FHIP1A: variants seen among roughly 807,000 people sequenced by gnomAD.
The protein encoded by FHIP1A is FHF complex subunit HOOK interacting protein 1A.
FHIP1A carries 61 observed loss-of-function variants against 88.6 expected under a neutral mutation model. That is an observed-to-expected ratio of 0.69 (90% confidence interval 0.56 to 0.85). The LOEUF (loss-of-function observed/expected upper bound fraction) is 0.85. FHIP1A is among the 40% of genes least tolerant of loss of function. FHIP1A has a pLI of 0.00. For synonymous variants in FHIP1A, 478 were observed against 496.0 expected, an observed-to-expected ratio of 0.96 and a Z score of 0.48; for missense variants, 1,154 against 1,273.5, an observed-to-expected ratio of 0.91 and a Z score of 1.43.
chr4:151,472,773 C>T (rs1729570127), intron 2 of FHIP1A, among the ~76,000 whole-genome samples: 1 of 152,112 alleles, frequency 6.6e-6, no homozygotes, highest in African/African-American at 2.4e-5. Flanking sequence ...TAAGTGGTGA[C>T]ACCTGAAGTT....
chr4:151,668,338 C>T lies in FHIP1A; in HGVS notation c.*5584C>T, dbSNP rs191839831. 7.2e-5 allele frequency among the ~76,000 whole-genome samples: 11 copies of T among 152,150 alleles called. No individual in the cohort carries two copies. Among genetic ancestry groups the T allele is most frequent in the Middle Eastern group, 6.8e-3 (2 of 294 alleles). On this transcript the variant is annotated 3_prime_UTR_variant, in exon 14 of 14. Transcript: ENST00000435205. The stretch of plus-strand genomic sequence containing the variant: ...AAATGAAAGATACAATATAAAATAG[C>T]GGGTCATGGCCATAAGCTGTGTCCT...
At chr4:151,650,665 T>G in intron 11 of FHIP1A, 73 bp downstream of exon 11, 1 of 1,461,478 alleles carries the variant, frequency 6.8e-7, no homozygotes. Context: ...GAAAGGAAGG[T>G]AGGAAAAGGT....
chr4:151,609,109 C>CT (rs1338307233), intron 7 of FHIP1A, among the ~76,000 whole-genome samples: 1 of 152,126 alleles, frequency 6.6e-6, no homozygotes, highest in African/African-American at 2.4e-5. Flanking sequence ...TACCATAAAA[C>CT]TTTTTTCGAA....
At chr4:151,451,079 A>G (rs1052921178) in intron 1 of FHIP1A, among the ~76,000 whole-genome samples, 3 of 152,040 alleles carry the variant, frequency 2.0e-5, no homozygotes, top group Admixed American at 6.6e-5. Context: ...CGCCTGGCCA[A>G]TCTTCATTAC....
At chr4:151,595,274 T>G (rs1734603845) in intron 7 of FHIP1A, among the ~76,000 whole-genome samples, 1 of 152,246 alleles carries the variant, frequency 6.6e-6, no homozygotes, top group Non-Finnish European at 1.5e-5. Context: ...TGCCTTAATT[T>G]CATTATTTAC....
In FHIP1A at chr4:151,494,314, T is replaced by C. The variant is rs542287816; in HGVS notation, c.-123+11666T>C. Among the ~76,000 whole-genome samples, 20 of 152,328 alleles carry C rather than the reference T, an allele frequency of 1.3e-4. No individual in the cohort carries two copies. The East Asian group carries it at 3.3e-3, about 25-fold the overall frequency. The stretch of plus-strand genomic sequence containing the variant: ...GTTTTTATAGTTTTAGGTTTTACAC[T>C]TAAGTCTTTAATTCACCTTGAGTTG... On this transcript the variant is annotated intron_variant, in intron 3 of 13. Coordinates refer to ENST00000435205, the MANE Select transcript of FHIP1A (RefSeq NM_001109977.3).
At chr4:151,488,784 C>T (rs373798447) in intron 3 of FHIP1A, among the ~76,000 whole-genome samples, 6 of 152,240 alleles carry the variant, frequency 3.9e-5, no homozygotes, top group South Asian at 2.1e-4. Context: ...TATTTCTGTG[C>T]GTCTATCACC....
At chr4:151,661,405 G>GT (rs1446273280) in intron 13 of FHIP1A, among the ~76,000 whole-genome samples, 5 of 136,922 alleles carry the variant, frequency 3.7e-5, no homozygotes, top group African/African-American at 1.5e-4. Flanking sequence ...TCAAGTGGAA[G>GT]TTGTTTTTTT....
chr4:151,567,188 A>T (rs1272151280), intron 4 of FHIP1A, among the ~76,000 whole-genome samples: 1 of 152,202 alleles, frequency 6.6e-6, no homozygotes, highest in Non-Finnish European at 1.5e-5. Context: ...ATAGTAAAAT[A>T]AATAAAATTG....
intron 5 of FHIP1A, among the ~76,000 whole-genome samples, chr4:151,586,109 C>T (rs1734201388): frequency 6.6e-6 from 1 of 152,100 alleles, no homozygotes; most frequent in African/African-American, 2.4e-5. Flanking sequence ...TCAGTCGTGA[C>T]CTCAAGCATG....
chr4:151,604,445 G>A (rs916812943), intron 7 of FHIP1A, among the ~76,000 whole-genome samples: 7 of 152,084 alleles, frequency 4.6e-5, no homozygotes, highest in Non-Finnish European at 1.0e-4. Flanking sequence ...GTTTGTGAGG[G>A]AAACACAGTG....
At chr4:151,470,145 T>C (rs1477565567) in intron 2 of FHIP1A, among the ~76,000 whole-genome samples, 1 of 152,234 alleles carries the variant, frequency 6.6e-6, no homozygotes, top group Non-Finnish European at 1.5e-5. Context: ...AGTAGTATGG[T>C]AATTCCATTT....
At chr4:151,501,786 T>G (rs1427421324) in intron 3 of FHIP1A, among the ~76,000 whole-genome samples, 2 of 151,406 alleles carry the variant, frequency 1.3e-5, no homozygotes, top group East Asian at 3.9e-4. Flanking sequence ...GTCATTTTGT[T>G]GTTGAGTTGT....
At position 151,576,223 on chromosome 4, in the gene FHIP1A, G is replaced by A. The variant is rs568342918; in HGVS notation, c.106-1227G>A. ...GAAAGGAGAGAAGCTGACTAGGGCT[G>A]TGAGGTGACCTATTTAGGGATTTTT... On this transcript the variant is annotated intron_variant, in intron 4 of 13. Transcript: ENST00000435205. Among the ~76,000 whole-genome samples the A allele has an allele frequency of 1.6e-4, 25 of 152,332 alleles. No individual in the cohort carries two copies. In the South Asian group the frequency reaches 5.2e-3, roughly 32 times the overall value.
intron 3 of FHIP1A, among the ~76,000 whole-genome samples, chr4:151,541,102 G>A (rs979528984): frequency 1.3e-5 from 2 of 152,148 alleles, no homozygotes; most frequent in Non-Finnish European, 2.9e-5. Flanking sequence ...TTCCCATTAA[G>A]GACTTTTTTT....
chr4:151,491,439 G>A (rs1203178167), intron 3 of FHIP1A, among the ~76,000 whole-genome samples: 1 of 152,118 alleles, frequency 6.6e-6, no homozygotes, highest in African/African-American at 2.4e-5. Flanking sequence ...GACAAATGCT[G>A]AGAGAACTTG....
chr4:151,534,588 A>G (rs1731997499), intron 3 of FHIP1A: 2 of 152,224 alleles, frequency 1.3e-5, no homozygotes. Flanking sequence ...GTCTGTCAAA[A>G]TTCTGCAATT....
At position 151,637,737 on chromosome 4, in the gene FHIP1A, C is replaced by T. The variant is rs757203221; in HGVS notation, c.1147-940C>T. Among the ~76,000 whole-genome samples, 11 of 152,196 alleles carry T rather than the reference C, an allele frequency of 7.2e-5. No homozygotes were observed. The South Asian group carries it at 1.2e-3, about 17-fold the overall frequency. On this transcript the variant is annotated intron_variant, in intron 8 of 13. Coordinates refer to ENST00000435205, the MANE Select transcript of FHIP1A (RefSeq NM_001109977.3). ...AAAGGCATTGCATTTAATGGAACCA[C>T]GTGTGCAAAGACTTGGAATGGGAAC...
chr4:151,664,417 C>T lies in FHIP1A; in HGVS notation c.*1663C>T, dbSNP rs934569061. On this transcript the variant is annotated 3_prime_UTR_variant, in exon 14 of 14. Transcript: ENST00000435205. ...TGGCCTGTGAAATGACAACAGGAGACCTGGCCTGGGCAGGGTGAGCTGTTA... is the reference window on the plus strand; with the variant it reads ...TGGCCTGTGAAATGACAACAGGAGATCTGGCCTGGGCAGGGTGAGCTGTTA... 1.1e-4 allele frequency among the ~76,000 whole-genome samples: 17 copies of T among 152,216 alleles called. No individual in the cohort carries two copies. The highest frequency in any genetic ancestry group is 1.1e-3 in the Admixed American group (17 of 15,280).
Sources: allele counts gnomAD v4.1 joint callset (sites outside exome capture counted in the v4.1 genomes callset), GRCh38; gene constraint gnomAD v4.1.1; transcripts MANE v1.5; gene names NCBI Gene and HGNC (gene_info 2026-07-23, HGNC 2026-07-21).